Variants in DNAJB6 observed in about 807,000 individuals in gnomAD.
DNAJB6 encodes the protein dnaJ homolog subfamily B member 6.
In DNAJB6, 16 loss-of-function variants were observed where a neutral mutation model predicts 42.7. The observed-to-expected ratio is 0.37, with a 90% CI of 0.25 to 0.57. The LOEUF (loss-of-function observed/expected upper bound fraction) is 0.57, where lower values mean the gene tolerates loss of function less well. Among genes scored for constraint, DNAJB6 ranks in the 20% least tolerant of loss-of-function variants. The probability of loss-of-function intolerance (pLI) is 0.74; values close to 1 mark genes in which losing one functional copy is unlikely to be tolerated. For missense variants in DNAJB6, 347 were observed against 416.8 expected (o/e 0.83, Z 1.46); for synonymous variants, 170 against 163.5 (o/e 1.04, Z -0.30).
chr7:157,386,243 GTCTT>G (rs1490270605), intron 8 of DNAJB6: 1 of 930,402 alleles, frequency 1.1e-6, no homozygotes, highest in Non-Finnish European at 1.3e-6. Flanking sequence ...GGTAAACTGG[GTCTT>G]TGTCATTTGC....
intron 1 of DNAJB6, among the ~76,000 whole-genome samples, chr7:157,346,378 G>A (rs752610517): frequency 4.7e-5 from 7 of 150,024 alleles, no homozygotes; most frequent in Non-Finnish European, 8.9e-5. Flanking sequence ...TAGGGAAATC[G>A]TCCAAGTATG....
chr7:157,380,134 ACCT>A (rs1365468682), intron 5 of DNAJB6: 1 of 151,992 alleles, frequency 6.6e-6, no homozygotes, highest in African/African-American at 2.4e-5. Context: ...TTTAACGGTC[ACCT>A]CCTAGGGGAG....
chr7:157,393,310 A>C (rs1386427581), intron 8 of DNAJB6, among the ~76,000 whole-genome samples: 1 of 152,084 alleles, frequency 6.6e-6, no homozygotes, highest in Non-Finnish European at 1.5e-5. Flanking sequence ...GGAATATCAT[A>C]TTTTTTACAA....
intron 1 of DNAJB6, among the ~76,000 whole-genome samples, chr7:157,351,655 CAACAACAA>C (rs1338012142): frequency 9.0e-6 from 1 of 111,210 alleles, no homozygotes; most frequent in Non-Finnish European, 2.1e-5. Context: ...ACAACAACAA[CAACAACAA>C]AAAAAACCAC....
At chr7:157,344,196 C>G (rs899818572) in intron 1 of DNAJB6, among the ~76,000 whole-genome samples, 3 of 152,144 alleles carry the variant, frequency 2.0e-5, no homozygotes, top group African/African-American at 4.8e-5. Context: ...CAAAAATCAG[C>G]TGGGCGTGGT....
chr7:157,404,410 G>A (rs1431984747), intron 8 of DNAJB6, among the ~76,000 whole-genome samples: 2 of 149,076 alleles, frequency 1.3e-5, no homozygotes, highest in Middle Eastern at 3.7e-3. Context: ...TCCCACCTCA[G>A]CCTCCAGAGC....
intron 8 of DNAJB6, among the ~76,000 whole-genome samples, chr7:157,402,215 C>T (rs1795551091): frequency 6.6e-6 from 1 of 152,272 alleles, no homozygotes; most frequent in Admixed American, 6.5e-5. Context: ...CCCTGCTTGG[C>T]CTCCCAGAGT....
At chr7:157,397,511 T>C (rs927835750) in intron 8 of DNAJB6, among the ~76,000 whole-genome samples, 13 of 152,214 alleles carry the variant, frequency 8.5e-5, no homozygotes, top group African/African-American at 3.1e-4. Flanking sequence ...GAGCCTCTTA[T>C]GCTGGGAGGA....
chr7:157,397,848 C>T (rs1801669118), intron 8 of DNAJB6, among the ~76,000 whole-genome samples: 1 of 152,240 alleles, frequency 6.6e-6, no homozygotes, highest in South Asian at 2.1e-4. Context: ...AAGTCACTGT[C>T]CTGTTTAAAA....
At chr7:157,342,571 C>G (rs911035566) in intron 1 of DNAJB6, among the ~76,000 whole-genome samples, 1 of 151,952 alleles carries the variant, frequency 6.6e-6, no homozygotes, top group Non-Finnish European at 1.5e-5. Context: ...ATCCGCCTGC[C>G]TTGGCCTCCC....
intron 8 of DNAJB6, among the ~76,000 whole-genome samples, chr7:157,405,266 T>C (rs1437285645): frequency 1.3e-5 from 2 of 152,202 alleles, no homozygotes; most frequent in African/African-American, 4.8e-5. Flanking sequence ...TCCTGGGGGC[T>C]CTTTGCCATG....
intron 8 of DNAJB6, among the ~76,000 whole-genome samples, chr7:157,408,171 AGCC>A (rs1334983727): frequency 6.6e-6 from 1 of 152,180 alleles, no homozygotes; most frequent in Non-Finnish European, 1.5e-5. Flanking sequence ...CTCCTGGTGC[AGCC>A]ATCTCAGCAG....
intron 1 of DNAJB6, among the ~76,000 whole-genome samples, chr7:157,350,105 T>G (rs938411344): frequency 7.9e-5 from 12 of 152,276 alleles, no homozygotes; most frequent in African/African-American, 2.6e-4. Flanking sequence ...TATTGTTAAT[T>G]GTAGCATCCT....
At chr7:157,382,515 T>C in intron 6 of DNAJB6, 138 bp downstream of exon 6, 1 of 922,810 alleles carries the variant, frequency 1.1e-6, no homozygotes, top group Non-Finnish European at 1.5e-6. Flanking sequence ...GCCAGCTTTT[T>C]TTGGTATACA....
intron 1 of DNAJB6, among the ~76,000 whole-genome samples, chr7:157,346,325 A>AAAAAAAT (rs1456178189): frequency 2.0e-5 from 3 of 150,488 alleles, no homozygotes; most frequent in Non-Finnish European, 4.4e-5. Context: ...GTAAAAAAAA[A>AAAAAAAT]AAAAAAAAAA....
chr7:157,391,469 C>G (rs529026661), intron 8 of DNAJB6, among the ~76,000 whole-genome samples: 1 of 152,326 alleles, frequency 6.6e-6, no homozygotes, highest in South Asian at 2.1e-4. Context: ...TGAATTGGCA[C>G]TGGACACGGC....
intron 5 of DNAJB6, chr7:157,380,087 T>C (rs1800678024): frequency 6.6e-6 from 1 of 152,354 alleles, no homozygotes; most frequent in South Asian, 2.1e-4. Context: ...GTACTGGGAT[T>C]ATAGCTGTGA....
At chr7:157,346,307 AAGG>A (rs1467760277) in intron 1 of DNAJB6, among the ~76,000 whole-genome samples, 1 of 130,620 alleles carries the variant, frequency 7.7e-6, no homozygotes, top group Non-Finnish European at 1.6e-5. Context: ...CCTGCTCTGC[AAGG>A]AGTAGTAAAA....
At chr7:157,352,400 C>T (rs970482585) in intron 1 of DNAJB6, among the ~76,000 whole-genome samples, 5 of 151,640 alleles carry the variant, frequency 3.3e-5, no homozygotes, top group African/African-American at 1.2e-4. Flanking sequence ...TTCAGTATTG[C>T]TGAAGGCTTT....
Sources: gnomAD v4.1 joint callset for allele counts (sites outside exome capture counted in the v4.1 genomes callset) on GRCh38, gnomAD v4.1.1 for gene constraint, MANE v1.5 for transcripts, NCBI Gene and HGNC (gene_info 2026-07-23, HGNC 2026-07-21) for gene names.